The following ITFG1 variants were observed in gnomAD, a reference collection of about 807,000 sequenced individuals.
ITFG1 encodes T-cell immunomodulatory protein.
A neutral mutation model predicts 81.8 loss-of-function variants in ITFG1; 34 were observed. That is an observed-to-expected ratio of 0.42 (90% CI 0.32 to 0.55). ITFG1 has a LOEUF of 0.55. Among genes scored for constraint, ITFG1 ranks in the 20% least tolerant of loss-of-function variants. ITFG1 has a pLI of 0.17. For missense variants in ITFG1, 672 were observed against 755.4 expected (o/e 0.89, Z 1.29); for synonymous variants, 285 against 270.6 (o/e 1.05, Z -0.52).
At chr16:47,187,725 C>A (rs1389536557) in intron 14 of ITFG1, among the ~76,000 whole-genome samples, 2 of 151,666 alleles carry the variant, frequency 1.3e-5, no homozygotes, top group Non-Finnish European at 2.9e-5. Context: ...GTCTAAAACA[C>A]CAAAAGCAAT....
At position 47,159,711 on chromosome 16, in the gene ITFG1, T is replaced by C. The variant is rs1176285486; in HGVS notation, c.1662-721A>G. Among the ~76,000 whole-genome samples the C allele has an allele frequency of 2.0e-5, 3 of 152,250 alleles. No individual in the cohort carries two copies. The East Asian group carries it at 5.8e-4, about 29-fold the overall frequency. ...AGGACTGTATCACCAAGTGTGAAGG[T>C]TGTTATATACACATAACTTTTTGTT... On this transcript the variant is annotated intron_variant, in intron 16 of 17. Transcript: ENST00000320640.
chr16:47,428,316 A>T (rs1175192656), intron 6 of ITFG1, among the ~76,000 whole-genome samples: 1 of 152,180 alleles, frequency 6.6e-6, no homozygotes, highest in Non-Finnish European at 1.5e-5. Context: ...CAGGGGAAAC[A>T]AGATTGGGCC....
At chr16:47,382,770 T>C (rs577909438) in intron 6 of ITFG1, among the ~76,000 whole-genome samples, 1 of 152,350 alleles carries the variant, frequency 6.6e-6, no homozygotes, top group Admixed American at 6.5e-5. Context: ...CAAATAATGA[T>C]AGGAACCTGT....
chr16:47,440,575 C>A (rs1969233927), intron 5 of ITFG1, among the ~76,000 whole-genome samples: 1 of 152,116 alleles, frequency 6.6e-6, no homozygotes, highest in Admixed American at 6.5e-5. Flanking sequence ...ACAACCTGCT[C>A]CTGAATGACT....
At chr16:47,288,507 A>G (rs1175503760) in intron 10 of ITFG1, among the ~76,000 whole-genome samples, 1 of 152,052 alleles carries the variant, frequency 6.6e-6, no homozygotes, top group Non-Finnish European at 1.5e-5. Context: ...ATATTTTTTG[A>G]GCAACCTCCA....
rs13335281 is a variant in ITFG1, at chr16:47,326,480, T to C, written c.803-12657A>G. Among the ~76,000 whole-genome samples the C allele has an allele frequency of 6.9e-3, 1,043 of 152,154 alleles. 11 individuals are homozygous for C. The highest frequency in any genetic ancestry group is 0.024 in the African/African-American group (990 of 41,508). On this transcript the variant is annotated intron_variant, in intron 8 of 17. Transcript: ENST00000320640. ...TGTTGGAAGTTCTGGCCAGGGCAAT[T>C]AGGCAGGAGAAGGAAATAAAGGGCA...
intron 14 of ITFG1, among the ~76,000 whole-genome samples, chr16:47,174,382 G>T (rs1964997528): frequency 6.6e-6 from 1 of 152,034 alleles, no homozygotes; most frequent in Non-Finnish European, 1.5e-5. Flanking sequence ...GATATAACAG[G>T]TAGGAAGAGG....
chr16:47,434,125 A>C (rs1187867385), intron 5 of ITFG1, among the ~76,000 whole-genome samples: 1 of 151,618 alleles, frequency 6.6e-6, no homozygotes, highest in Admixed American at 6.6e-5. Flanking sequence ...AATCTAGGCA[A>C]TACCACTCAG....
At chr16:47,456,318 G>T (rs373570835) in intron 2 of ITFG1, among the ~76,000 whole-genome samples, 2 of 152,172 alleles carry the variant, frequency 1.3e-5, no homozygotes, top group East Asian at 1.9e-4. Flanking sequence ...ACATTTAAAA[G>T]ATTAGGAGAA....
At chr16:47,455,276 CTT>C (rs1316909002) in intron 2 of ITFG1, among the ~76,000 whole-genome samples, 2 of 151,982 alleles carry the variant, frequency 1.3e-5, no homozygotes, top group East Asian at 1.9e-4. Context: ...CTGAAGAAAA[CTT>C]TGACTATTAA....
chr16:47,170,621 G>C (rs1187847539), intron 14 of ITFG1, among the ~76,000 whole-genome samples: 4 of 148,480 alleles, frequency 2.7e-5, no homozygotes, highest in Non-Finnish European at 4.5e-5. Context: ...GTAGAGACAG[G>C]GTTTCACCAT....
Position 47,337,891 on chromosome 16 carries a change from T to A in ITFG1, c.803-24068A>T, listed in dbSNP as rs970555067. On this transcript the variant is annotated intron_variant, in intron 8 of 17. Transcript: ENST00000320640. ...TGTGCGAGCCCCAGTGCAAGTGCTG[T>A]AGAAGTGCCCTAGCACAGAGCCAGT... 2.6e-5 allele frequency among the ~76,000 whole-genome samples: 4 copies of A among 152,236 alleles called. No homozygotes were observed. The South Asian group carries it at 8.3e-4, about 31-fold the overall frequency.
chr16:47,266,358 C>T (rs1315343671), intron 10 of ITFG1, among the ~76,000 whole-genome samples: 9 of 152,140 alleles, frequency 5.9e-5, no homozygotes, highest in Admixed American at 6.5e-5. Flanking sequence ...GCTGGAATTA[C>T]AGGCGCCTGC....
intron 5 of ITFG1, among the ~76,000 whole-genome samples, chr16:47,430,323 C>A (rs531761228): frequency 1.1e-4 from 17 of 152,142 alleles, no homozygotes; most frequent in African/African-American, 4.1e-4. Flanking sequence ...GCCTCGGCCT[C>A]CCAAAGTGTT....
chr16:47,351,315 T>A lies in ITFG1; in HGVS notation c.802+14473A>T, dbSNP rs1967951320. Among the ~76,000 whole-genome samples the A allele has an allele frequency of 2.0e-5, 3 of 152,308 alleles. No homozygotes were observed. In the South Asian group the frequency reaches 6.2e-4, roughly 32 times the overall value. On this transcript the variant is annotated intron_variant, in intron 8 of 17. Coordinates refer to ENST00000320640, the MANE Select transcript of ITFG1 (RefSeq NM_030790.5). ...ATGATTGTACATCTAGAAAACCCCA[T>A]CGTCTCAGCCTAAAATCTCCTTAAG...
rs545275157 is a variant in ITFG1 at position 47,180,742 on chromosome 16, C to A, written c.1454-18078G>T. ...TGATCTCAGCTCGCTACAACCTCCA[C>A]CTCCCAGCCGCCTGCCTTGGCGTCC... On this transcript the variant is annotated intron_variant, in intron 14 of 17. Transcript: ENST00000320640. 1.8e-4 allele frequency among the ~76,000 whole-genome samples: 27 copies of A among 152,292 alleles called. No individual in the cohort carries two copies. In the East Asian group the frequency reaches 4.8e-3, roughly 27 times the overall value.
chr16:47,356,175 A>C (rs914282010), intron 8 of ITFG1, among the ~76,000 whole-genome samples: 14 of 152,210 alleles, frequency 9.2e-5, no homozygotes, highest in African/African-American at 3.4e-4. Context: ...CTATTACCAC[A>C]TTCTATAATG....
intron 6 of ITFG1, 40 bp downstream of exon 6, chr16:47,428,764 T>C (rs1463853314): frequency 1.7e-6 from 2 of 1,198,920 alleles, no homozygotes; most frequent in East Asian, 2.3e-5. Flanking sequence ...CCATACTTCT[T>C]TGGTAACTCA....
At chr16:47,216,829 T>C (rs1340354141) in intron 14 of ITFG1, among the ~76,000 whole-genome samples, 1 of 151,976 alleles carries the variant, frequency 6.6e-6, no homozygotes, top group Non-Finnish European at 1.5e-5. Context: ...GTGCAGCTTT[T>C]GTATTTTTAG....
Sources: allele counts gnomAD v4.1 joint callset (sites outside exome capture counted in the v4.1 genomes callset), GRCh38; gene constraint gnomAD v4.1.1; transcripts MANE v1.5; gene names NCBI Gene and HGNC (gene_info 2026-07-23, HGNC 2026-07-21).